The following PRH1 variants were observed in gnomAD, a reference collection of about 807,000 sequenced individuals.
PRH1 encodes the protein salivary acidic proline-rich phosphoprotein 1/2.
Under a neutral mutation model 7.9 loss-of-function variants are expected in PRH1, and 7 were observed. The ratio of observed to expected loss-of-function variants is 0.89; its 90% CI spans 0.50 to 1.67. The LOEUF is 1.67. Among genes scored for constraint, PRH1 ranks in the 40% most tolerant of loss-of-function variants. The pLI, the probability that PRH1 is intolerant of heterozygous loss-of-function variation, is 0.00. For missense variants in PRH1, 109 were observed against 223.6 expected (o/e 0.49, Z 3.27); for synonymous variants, 45 against 80.8 (o/e 0.56, Z 2.38).
In PRH1 at chr12:10,934,417, T is replaced by C. The variant is rs1477185978; in HGVS notation, c.-59+39238A>G. On this transcript the variant is annotated intron_variant, in intron 2 of 3. Coordinates refer to the PRH1 transcript ENST00000539853. ...CACATCTTGACCCAGTCAATTCCGTTCACCAGTGTTATGAATCCATTCCCC... is the reference window on the plus strand; with the variant it reads ...CACATCTTGACCCAGTCAATTCCGTCCACCAGTGTTATGAATCCATTCCCC... Among the ~76,000 whole-genome samples, 9 of 152,116 alleles carry C rather than the reference T, an allele frequency of 5.9e-5. No individual in the cohort carries two copies. In the East Asian group the frequency reaches 1.7e-3, roughly 29 times the overall value.
At position 11,089,346 on chromosome 12, in the gene PRH1, G is replaced by A. The variant is rs1294526674; in HGVS notation, n.124-42158C>T. ...AAGAAATAGAAGACTAATGACAGCC[G>A]AGCAGATACATTCTCCCTCCTCTCT... On this transcript the variant is annotated intron_variant and non_coding_transcript_variant, in intron 1 of 4. Transcript: ENST00000541977. Among the ~76,000 whole-genome samples the A allele has an allele frequency of 6.9e-5, 8 of 115,762 alleles. 2 individuals carry two copies. The highest frequency in any genetic ancestry group is 1.0e-4 in the Non-Finnish European group (5 of 48,864). The allele number at this position is 115,762 out of a possible 152,430, so 75.9% of individuals were successfully genotyped here. A position where few individuals can be genotyped will look rare whatever the true frequency, so the allele number is the denominator to read the frequency against.
intron 1 of PRH1, chr12:10,997,150 A>G: frequency 6.2e-7 from 1 of 1,614,080 alleles, no homozygotes; most frequent in Non-Finnish European, 8.5e-7. Context: ...TTAGACACAG[A>G]AAGTAAATGG....
intron 1 of PRH1, among the ~76,000 whole-genome samples, chr12:10,995,807 C>T (rs1045030792): frequency 6.6e-5 from 10 of 152,018 alleles, no homozygotes; most frequent in Non-Finnish European, 8.8e-5. Context: ...TTTCTAATTG[C>T]GTATGGAAAC....
At chr12:11,073,669 G>T (rs117372023) in intron 1 of PRH1, among the ~76,000 whole-genome samples, 2,122 of 151,910 alleles carry the variant, frequency 0.014, no homozygotes, top group South Asian at 0.028. Context: ...GTGGTTTCAA[G>T]TGGAATCCAG....
At chr12:11,061,242 C>G (rs1943586613) in intron 1 of PRH1, 2 of 1,403,474 alleles carry the variant, frequency 1.4e-6, no homozygotes, top group Admixed American at 4.9e-5. Context: ...AAAGACTTTT[C>G]TAGGTACATG....
At chr12:11,141,890 T>G (rs1459540092) in intron 1 of PRH1, among the ~76,000 whole-genome samples, 1 of 152,126 alleles carries the variant, frequency 6.6e-6, no homozygotes, top group Non-Finnish European at 1.5e-5. Context: ...TGGGCCCAAG[T>G]GGTCCTCCCA....
intron 1 of PRH1, among the ~76,000 whole-genome samples, chr12:11,029,933 C>T (rs1303667614): frequency 6.6e-6 from 1 of 152,128 alleles, no homozygotes; most frequent in Non-Finnish European, 1.5e-5. Flanking sequence ...ACTTTACCAT[C>T]CAATAAATTC....
rs117529814 is a variant in PRH1, at chr12:10,942,257, G to A, written c.-59+31398C>T. On this transcript the variant is annotated intron_variant, in intron 2 of 3. Transcript: ENST00000539853. ...AGCTGTGATAGTATGAAGAGGCACC[G>A]GCAGTGGGTAAGTCACTAGAACTCT... Among the ~76,000 whole-genome samples, 26 of 152,246 alleles carry A rather than the reference G, an allele frequency of 1.7e-4. No individual in the cohort carries two copies. In the East Asian group the frequency reaches 4.1e-3, roughly 24 times the overall value.
intron 2 of PRH1, among the ~76,000 whole-genome samples, chr12:10,945,888 A>G (rs935993068): frequency 6.6e-6 from 1 of 152,174 alleles, no homozygotes; most frequent in Non-Finnish European, 1.5e-5. Flanking sequence ...GAATTCAGTG[A>G]TATTTCTCCA....
intron 1 of PRH1, among the ~76,000 whole-genome samples, chr12:11,138,225 G>A (rs1399486893): frequency 4.0e-5 from 6 of 151,878 alleles, no homozygotes; most frequent in African/African-American, 1.5e-4. Flanking sequence ...TCTTTTAATA[G>A]CATCATTAGC....
chr12:11,067,735 C>T (rs1011142925), intron 1 of PRH1, among the ~76,000 whole-genome samples: 2 of 152,084 alleles, frequency 1.3e-5, no homozygotes, highest in South Asian at 2.1e-4. Context: ...TGGTGGTGCA[C>T]GCCTGTTGTC....
intron 1 of PRH1, among the ~76,000 whole-genome samples, chr12:11,085,211 T>G (rs914176540): frequency 1.3e-5 from 2 of 150,300 alleles, no homozygotes; most frequent in Non-Finnish European, 3.0e-5. Context: ...GCTAGACATA[T>G]TTCCTTTAAC....
rs536105083 is a variant in PRH1 at position 11,099,367 on chromosome 12, A to G, written n.124-52179T>C. ...ATCCAGACTAAATTGGCCAAACTCT[A>G]TCTCCAAGATGCCGAATTTGGCCCA... On this transcript the variant is annotated intron_variant and non_coding_transcript_variant, in intron 1 of 4. Coordinates refer to the PRH1 transcript ENST00000541977. Among the ~76,000 whole-genome samples, 5 of 135,596 alleles carry G rather than the reference A, an allele frequency of 3.7e-5. No homozygotes were observed. The East Asian group carries it at 2.1e-3, about 56-fold the overall frequency. 89.0% of individuals were successfully genotyped at this position (135,596 alleles called of 152,430 possible).
At chr12:11,113,871 A>C (rs1322771653) in intron 1 of PRH1, among the ~76,000 whole-genome samples, 1 of 152,210 alleles carries the variant, frequency 6.6e-6, no homozygotes, top group East Asian at 1.9e-4. Context: ...TCTCAAAAGA[A>C]GACATTTATG....
At chr12:11,042,623 CT>C (rs71051557) in intron 1 of PRH1, among the ~76,000 whole-genome samples, 80 of 79,306 alleles carry the variant, frequency 1.0e-3, no homozygotes, top group African/African-American at 3.7e-3. Flanking sequence ...CAGGCTCATT[CT>C]TTTTTTTTTT....
At chr12:11,157,366 C>T (rs1186704830) in intron 1 of PRH1, among the ~76,000 whole-genome samples, 1 of 152,080 alleles carries the variant, frequency 6.6e-6, no homozygotes, top group Non-Finnish European at 1.5e-5. Context: ...TTAAGTAGTC[C>T]TTTTACTCTC....
intron 1 of PRH1, chr12:10,997,817 C>T (rs768910964): frequency 6.2e-7 from 1 of 1,612,298 alleles, no homozygotes; most frequent in East Asian, 2.2e-5. Context: ...GGCAAAATTT[C>T]CAAGAATAAA....
intron 1 of PRH1, among the ~76,000 whole-genome samples, chr12:10,979,013 T>C (rs1448355785): frequency 6.6e-6 from 1 of 152,136 alleles, no homozygotes; most frequent in Non-Finnish European, 1.5e-5. Context: ...GCAAAGCAAG[T>C]ACCACATGTT....
intron 1 of PRH1, among the ~76,000 whole-genome samples, chr12:11,003,585 T>C (rs1940692909): frequency 6.6e-6 from 1 of 151,716 alleles, no homozygotes; most frequent in African/African-American, 2.4e-5. Flanking sequence ...TTATAAGAAT[T>C]ATAAAAACTT....
Sources: gnomAD v4.1 joint callset for allele counts (sites outside exome capture counted in the v4.1 genomes callset) on GRCh38, gnomAD v4.1.1 for gene constraint, MANE v1.5 for transcripts, NCBI Gene and HGNC (gene_info 2026-07-23, HGNC 2026-07-21) for gene names.